Variants in KSR1 observed in about 807,000 individuals in gnomAD.
KSR1 encodes the protein kinase suppressor of ras.
KSR1 carries 35 observed loss-of-function variants against 92.9 expected under a neutral mutation model. That is an observed-to-expected ratio of 0.38 (90% CI 0.29 to 0.50). KSR1 has a LOEUF of 0.50. Among genes scored for constraint, KSR1 ranks in the 20% least tolerant of loss-of-function variants. The probability of loss-of-function intolerance (pLI) is 0.94; values close to 1 mark genes in which losing one functional copy is unlikely to be tolerated. For missense variants in KSR1, 972 were observed against 1,158.5 expected (o/e 0.84, Z 2.34); for synonymous variants, 467 against 472.6 (o/e 0.99, Z 0.15).
chr17:27,557,708 G>A (rs2071659045), intron 2 of KSR1, among the ~76,000 whole-genome samples: 1 of 152,320 alleles, frequency 6.6e-6, no homozygotes, highest in Middle Eastern at 3.4e-3. Flanking sequence ...GGACAGTAAA[G>A]AAGCCTAGAG....
Position 27,626,078 on chromosome 17 carries a change from G to T in KSR1, c.*2686G>T, listed in dbSNP as rs1309983962. ...GAGGAATGGCAAGCCCTGGAAACCT[G>T]TGTTATTCTGTGTTGATTTGGTGTG... is the stretch of plus-strand genomic sequence containing the variant. On this transcript the variant is annotated 3_prime_UTR_variant, in exon 21 of 21. Coordinates refer to ENST00000644974, the MANE Select transcript of KSR1 (RefSeq NM_001394583.1). 1 of 152,210 alleles carries T rather than the reference G, an allele frequency of 6.6e-6. No individual in the cohort carries two copies. The highest frequency in any genetic ancestry group is 1.5e-5 in the Non-Finnish European group (1 of 68,056). 9.4% of individuals were successfully genotyped at this position (152,210 alleles called of 1,614,324 possible).
At chr17:27,490,191 G>T (rs1269416980) in intron 1 of KSR1, among the ~76,000 whole-genome samples, 3 of 152,226 alleles carry the variant, frequency 2.0e-5, no homozygotes, top group African/African-American at 7.2e-5. Flanking sequence ...GGGGGCTGTT[G>T]AGAGGATCAA....
At chr17:27,591,035 T>C (rs1456091265) in intron 7 of KSR1, 141 bp downstream of exon 7, 5 of 694,092 alleles carry the variant, frequency 7.2e-6, no homozygotes, top group African/African-American at 5.3e-5. Flanking sequence ...CTAAGCAAGT[T>C]ACTCCTGGAA....
At chr17:27,528,356 T>C (rs2070398718) in intron 1 of KSR1, among the ~76,000 whole-genome samples, 1 of 152,182 alleles carries the variant, frequency 6.6e-6, no homozygotes, top group Admixed American at 6.5e-5. Flanking sequence ...TGTGAACCAC[T>C]GTGCCTGGCC....
At chr17:27,609,167 A>G (rs2073847712) in intron 15 of KSR1, 29 bp from the exon 16 acceptor site, 1 of 1,600,962 alleles carries the variant, frequency 6.2e-7, no homozygotes, top group African/African-American at 1.3e-5. Flanking sequence ...ATCGTTGCAC[A>G]TCTTCACTCC....
intron 1 of KSR1, among the ~76,000 whole-genome samples, chr17:27,515,037 T>A (rs2069736586): frequency 6.6e-6 from 1 of 152,120 alleles, no homozygotes; most frequent in African/African-American, 2.4e-5. Context: ...TTGAACAAAA[T>A]CAGGGATTCC....
chr17:27,549,526 C>T (rs1005030428), intron 1 of KSR1, among the ~76,000 whole-genome samples: 1 of 152,236 alleles, frequency 6.6e-6, no homozygotes, highest in Non-Finnish European at 1.5e-5. Flanking sequence ...TCGGGTTTAC[C>T]CAAGTCAGGC....
chr17:27,533,143 G>C (rs577099534), intron 1 of KSR1, among the ~76,000 whole-genome samples: 1 of 152,300 alleles, frequency 6.6e-6, no homozygotes, highest in South Asian at 2.1e-4. Context: ...GAACTTCCTG[G>C]GTTCAGTTTC....
rs1232512161 is a variant in KSR1 at position 27,623,656 on chromosome 17, T to C, written c.*264T>C. On this transcript the variant is annotated 3_prime_UTR_variant, in exon 21 of 21. Coordinates refer to ENST00000644974, the MANE Select transcript of KSR1 (RefSeq NM_001394583.1). ...GTATATTTCTCCTGAGTGAACCTGA[T>C]GTTTTACAATAGGTAATAATAAAAA... 1.7e-6 allele frequency: 1 copy of C among 601,586 alleles called. No homozygotes were observed. Among genetic ancestry groups the C allele is most frequent in the Non-Finnish European group, 2.9e-6 (1 of 342,592 alleles). 37.3% of individuals were successfully genotyped at this position (601,586 alleles called of 1,614,324 possible).
chr17:27,601,784 A>G (rs1008458703), intron 11 of KSR1: 11 of 786,296 alleles, frequency 1.4e-5, no homozygotes, highest in Non-Finnish European at 2.3e-5. Context: ...CCCTTGCACA[A>G]TGATGGGAGG....
intron 2 of KSR1, among the ~76,000 whole-genome samples, chr17:27,551,762 C>T (rs895435860): frequency 2.0e-5 from 3 of 152,174 alleles, no homozygotes; most frequent in Admixed American, 1.3e-4. Context: ...ACTGCAGACC[C>T]GCCTGCCTCT....
Position 27,577,905 on chromosome 17 carries a change from C to T in KSR1, c.520+266C>T, listed in dbSNP as rs1461757025. The stretch of plus-strand genomic sequence containing the variant: ...GGCCTGTCTGCTGGGCTGGGCTGGC[C>T]TGGCATGGTTTCCTCTCTGTTGAGG... On this transcript the variant is annotated intron_variant, in intron 3 of 20. Transcript: ENST00000644974. This position sits in a 1 kb window ranked among gnomAD's most constrained non-coding sequence, Gnocchi z 4.5. 1.7e-6 allele frequency: 1 copy of T among 594,530 alleles called. No individual in the cohort carries two copies. The highest frequency in any genetic ancestry group is 3.0e-6 in the Non-Finnish European group (1 of 328,746). The allele number at this position is 594,530 out of a possible 1,614,324, so 36.8% of individuals were successfully genotyped here.
At chr17:27,473,443 A>T (rs571768119) in intron 1 of KSR1, among the ~76,000 whole-genome samples, 1 of 152,212 alleles carries the variant, frequency 6.6e-6, no homozygotes, top group African/African-American at 2.4e-5. Context: ...ACAGGTGGCC[A>T]TTCGCAGAAA....
intron 1 of KSR1, among the ~76,000 whole-genome samples, chr17:27,524,715 C>A (rs1431078469): frequency 6.6e-6 from 1 of 152,176 alleles, no homozygotes; most frequent in Non-Finnish European, 1.5e-5. Context: ...AAACCTAAAA[C>A]TTTGGATGTC....
At chr17:27,500,831 C>G (rs977675112) in intron 1 of KSR1, among the ~76,000 whole-genome samples, 1 of 152,114 alleles carries the variant, frequency 6.6e-6, no homozygotes, top group African/African-American at 2.4e-5. Context: ...CTGCTGGGTC[C>G]GGACCCTGAC....
Position 27,609,319 on chromosome 17 carries a change from C to G in KSR1, c.2215C>G (p.Arg739Gly). 6.2e-7 allele frequency: 1 copy of G among 1,613,684 alleles called. No individual in the cohort carries two copies. Among genetic ancestry groups the G allele is most frequent in the South Asian group, 1.1e-5 (1 of 91,034 alleles). Residue 739 changes from arginine (R) to glycine (G), a missense_variant, in exon 16 of 21, where the codon CGA (arginine) becomes GGA (glycine). This residue lies in a region of KSR1 where 260 missense variants were observed against 375.2 expected (regional missense o/e 0.69). Transcript: ENST00000644974. ...FGLFGISGVV[R>G]EGRRENQLKL... ...GCTGTTTGGGATCTCAGGCGTGGTCCGAGAGGGACGGTGAGTTGGTCTTGA... is the reference window on the plus strand; with the variant it reads ...GCTGTTTGGGATCTCAGGCGTGGTCGGAGAGGGACGGTGAGTTGGTCTTGA...
At chr17:27,563,739 C>T (rs1323638537) in intron 2 of KSR1, among the ~76,000 whole-genome samples, 1 of 152,154 alleles carries the variant, frequency 6.6e-6, no homozygotes, top group East Asian at 1.9e-4. Flanking sequence ...CTGTCTTAGC[C>T]CAGGGCCTTT....
chr17:27,569,522 C>A lies in KSR1; in HGVS notation c.373-7970C>A, dbSNP rs2072222969. Among the ~76,000 whole-genome samples, 3 of 152,268 alleles carry A rather than the reference C, an allele frequency of 2.0e-5. No individual in the cohort carries two copies. The South Asian group carries it at 6.2e-4, about 31-fold the overall frequency. On this transcript the variant is annotated intron_variant, in intron 2 of 20. Transcript: ENST00000644974. ...CTATGTGTTTGGGGGTTGCCAAACT[C>A]TGGCCCTTGGGCCAAATCTAGCCCA...
intron 18 of KSR1, among the ~76,000 whole-genome samples, chr17:27,612,288 T>TGAA (rs984589315): frequency 6.6e-6 from 1 of 152,128 alleles, no homozygotes; most frequent in African/African-American, 2.4e-5. Flanking sequence ...AAGGAAAAAA[T>TGAA]GAAGAGGATT....
Sources: allele counts gnomAD v4.1 joint callset (sites outside exome capture counted in the v4.1 genomes callset), GRCh38; gene constraint gnomAD v4.1.1; regional missense constraint gnomAD v4.1.1; non-coding constraint Gnocchi (gnomAD v3.1); transcripts MANE v1.5; gene names NCBI Gene and HGNC (gene_info 2026-07-23, HGNC 2026-07-21).